Variants in TRPC6 observed in about 807,000 individuals in gnomAD.
TRPC6 encodes the protein short transient receptor potential channel 6.
TRPC6 carries 55 observed loss-of-function variants against 90.7 expected under a neutral mutation model. The ratio of observed to expected loss-of-function variants is 0.61; its 90% CI spans 0.49 to 0.76. The LOEUF (loss-of-function observed/expected upper bound fraction) is 0.76. TRPC6 is among the 30% of genes least tolerant of loss of function. TRPC6 has a pLI of 0.00. For synonymous variants in TRPC6, 393 were observed against 393.0 expected (o/e 1.00, Z 0.00); for missense variants, 989 against 1,122.7 (o/e 0.88, Z 1.70).
At chr11:101,522,569 C>T (rs561560542) in intron 1 of TRPC6, among the ~76,000 whole-genome samples, 1 of 152,352 alleles carries the variant, frequency 6.6e-6, no homozygotes, top group African/African-American at 2.4e-5. Flanking sequence ...ATCTCAACCT[C>T]TAACATTCCA....
At chr11:101,470,245 G>A (rs1156896986) in intron 9 of TRPC6, among the ~76,000 whole-genome samples, 4 of 152,076 alleles carry the variant, frequency 2.6e-5, no homozygotes, top group East Asian at 1.9e-4. Flanking sequence ...CTCTTATATC[G>A]AATTAAAATT....
chr11:101,524,976 A>C (rs772857024), intron 1 of TRPC6, among the ~76,000 whole-genome samples: 1 of 152,208 alleles, frequency 6.6e-6, no homozygotes, highest in Non-Finnish European at 1.5e-5. Flanking sequence ...GCAACAATCA[A>C]TCAAGTCTCA....
In TRPC6 at chr11:101,491,465, C is replaced by A. The variant is rs998892517; in HGVS notation, c.1128+91G>T. ...AAAAAAAGAGAAAAGAAAAGAAAAT[C>A]CCAGCTTAATCTAACAATATCAACC... On this transcript the variant is annotated intron_variant, in intron 3 of 12. Coordinates refer to ENST00000344327, the MANE Select transcript of TRPC6 (RefSeq NM_004621.6). 11 of 1,503,020 alleles carry A rather than the reference C, an allele frequency of 7.3e-6. No homozygotes were observed. The African/African-American group carries it at 1.3e-4, about 17-fold the overall frequency. The allele number at this position is 1,503,020 out of a possible 1,614,324, so 93.1% of individuals were successfully genotyped here.
At position 101,526,685 on chromosome 11, in the gene TRPC6, A is replaced by G. The variant is rs1198913503; in HGVS notation, c.171-21887T>C. 2.6e-5 allele frequency among the ~76,000 whole-genome samples: 4 copies of G among 151,478 alleles called. No individual in the cohort carries two copies. The East Asian group carries it at 7.8e-4, about 29-fold the overall frequency. On this transcript the variant is annotated intron_variant, in intron 1 of 12. Coordinates refer to ENST00000344327, the MANE Select transcript of TRPC6 (RefSeq NM_004621.6). ...AGACCAGTGTGGCCAACACAGTGAAACCCCGTCTCTACTAAAAATACACAA... is the reference window on the plus strand; with the variant it reads ...AGACCAGTGTGGCCAACACAGTGAAGCCCCGTCTCTACTAAAAATACACAA...
At chr11:101,543,723 A>T (rs929660747) in intron 1 of TRPC6, among the ~76,000 whole-genome samples, 3 of 152,216 alleles carry the variant, frequency 2.0e-5, no homozygotes, top group Non-Finnish European at 4.4e-5. Context: ...CACCTTACAG[A>T]AAAATTAACT....
intron 1 of TRPC6, among the ~76,000 whole-genome samples, chr11:101,565,145 G>A (rs1023225157): frequency 6.6e-6 from 1 of 152,032 alleles, no homozygotes; most frequent in African/African-American, 2.4e-5. Flanking sequence ...CATTTGTCTT[G>A]ACAATAATTC....
rs930758814 is a variant in TRPC6 at position 101,583,375 on chromosome 11, G to C, written c.129C>G (p.Cys43Trp). Residue 43 changes from cysteine to tryptophan, a missense_variant, in exon 1 of 13, where the codon TGC becomes TGG. Cys to Trp is a radical substitution (Grantham distance 215). Around this residue, in one of 4 missense-constraint regions of TRPC6, gnomAD observed 194 missense variants for 136.5 expected, o/e 1.42. Coordinates refer to ENST00000344327, the MANE Select transcript of TRPC6 (RefSeq NM_004621.6). ...LMDSELGEDG[C>W]PQAPLPCYGY... The stretch of plus-strand genomic sequence containing the variant: ...CGTAGCAAGGCAGCGGGGCTTGCGG[G>C]CAGCCGTCTTCTCCCAGCTCCGAGT... 6.3e-7 allele frequency: 1 copy of C among 1,593,732 alleles called. No homozygotes were observed. The highest frequency in any genetic ancestry group is 8.5e-7 in the Non-Finnish European group (1 of 1,170,562).
At chr11:101,581,520 A>G (rs1482636647) in intron 1 of TRPC6, among the ~76,000 whole-genome samples, 1 of 152,230 alleles carries the variant, frequency 6.6e-6, no homozygotes, top group Non-Finnish European at 1.5e-5. Context: ...TTGTTCATGG[A>G]ACAGTCTAAT....
intron 1 of TRPC6, among the ~76,000 whole-genome samples, chr11:101,514,711 C>T (rs1253543396): frequency 6.6e-6 from 1 of 152,166 alleles, no homozygotes; most frequent in Non-Finnish European, 1.5e-5. Flanking sequence ...CTTAACAACT[C>T]AGGATTCCAA....
intron 1 of TRPC6, among the ~76,000 whole-genome samples, chr11:101,546,718 G>A (rs533673684): frequency 6.6e-6 from 1 of 152,220 alleles, no homozygotes; most frequent in Non-Finnish European, 1.5e-5. Flanking sequence ...AAAGTGAAGT[G>A]CAGCTGCAGG....
At chr11:101,580,703 T>G (rs1862177206) in intron 1 of TRPC6, among the ~76,000 whole-genome samples, 1 of 152,162 alleles carries the variant, frequency 6.6e-6, no homozygotes, top group African/African-American at 2.4e-5. Flanking sequence ...AGTCATAGAA[T>G]TTATTCCACA....
chr11:101,471,026 C>G (rs1161841623), intron 9 of TRPC6, among the ~76,000 whole-genome samples, 157 bp downstream of exon 9: 1 of 152,032 alleles, frequency 6.6e-6, no homozygotes, highest in East Asian at 1.9e-4. Flanking sequence ...TCATGTTGAA[C>G]AGACACAAGC....
intron 6 of TRPC6, 135 bp from the exon 7 acceptor site, chr11:101,473,908 T>G (rs1438793219): frequency 3.4e-6 from 4 of 1,176,478 alleles, no homozygotes; most frequent in Non-Finnish European, 4.8e-6. Context: ...TTAAAGGGCT[T>G]CTTAAGTGTC....
Position 101,485,982 on chromosome 11 carries a change from C to T in TRPC6, c.1294-2817G>A, listed in dbSNP as rs143240247. Among the ~76,000 whole-genome samples, 815 of 152,222 alleles carry T rather than the reference C, an allele frequency of 5.4e-3. 3 individuals are homozygous for T. The highest frequency in any genetic ancestry group is 0.019 in the African/African-American group (777 of 41,558). ...CTGGCCTACTGACCTTTATGTAACA[C>T]TACTCTTCCTTTATTTTATTCTAAA... On this transcript the variant is annotated intron_variant, in intron 4 of 12. Coordinates refer to ENST00000344327, the MANE Select transcript of TRPC6 (RefSeq NM_004621.6).
chr11:101,530,680 A>G (rs2136796971), intron 1 of TRPC6, among the ~76,000 whole-genome samples: 1 of 152,278 alleles, frequency 6.6e-6, no homozygotes, highest in African/African-American at 2.4e-5. Flanking sequence ...AGATCCTGGA[A>G]GTCCAGTCTG....
chr11:101,455,170 G>A, intron 10 of TRPC6, 69 bp from the exon 11 acceptor site: 3 of 1,245,674 alleles, frequency 2.4e-6, no homozygotes, highest in East Asian at 4.8e-5. Flanking sequence ...AGTGAGATTA[G>A]TTATCTAATG....
At chr11:101,554,649 C>A (rs11224852) in intron 1 of TRPC6, among the ~76,000 whole-genome samples, 15,807 of 152,038 alleles carry the variant, frequency 0.1, 1,599 homozygotes, top group East Asian at 0.54. Flanking sequence ...ATAAGCCTCA[C>A]TATATTTCTT....
chr11:101,516,251 A>G (rs2136767424), intron 1 of TRPC6, among the ~76,000 whole-genome samples: 1 of 152,334 alleles, frequency 6.6e-6, no homozygotes, highest in African/African-American at 2.4e-5. Context: ...ATGCATGGTA[A>G]GGCAAGACTG....
intron 4 of TRPC6, among the ~76,000 whole-genome samples, 197 bp from the exon 5 acceptor site, chr11:101,483,362 C>T (rs1859598998): frequency 6.6e-6 from 1 of 152,116 alleles, no homozygotes; most frequent in Non-Finnish European, 1.5e-5. Context: ...CCTACATGTG[C>T]TGATGTTCTT....
Sources: allele counts gnomAD v4.1 joint callset (sites outside exome capture counted in the v4.1 genomes callset), GRCh38; gene constraint gnomAD v4.1.1; regional missense constraint gnomAD v4.1.1; transcripts MANE v1.5; gene names NCBI Gene and HGNC (gene_info 2026-07-23, HGNC 2026-07-21).